The following ULK4 variants were observed in gnomAD, a reference collection of about 807,000 sequenced individuals.
ULK4 encodes the protein inactive serine/threonine-protein kinase ULK4.
Under a neutral mutation model 160.6 loss-of-function variants are expected in ULK4, and 133 were observed. The ratio of observed to expected loss-of-function variants is 0.83; its 90% CI spans 0.72 to 0.96. ULK4 has a LOEUF of 0.96. ULK4 is among the 40% of genes least tolerant of loss of function. The pLI is 0.00. For missense variants in ULK4, 1,580 were observed against 1,499.5 expected (o/e 1.05, Z -0.89); for synonymous variants, 534 against 539.8 (o/e 0.99, Z 0.15).
intron 31 of ULK4, among the ~76,000 whole-genome samples, chr3:41,579,259 A>G (rs1406544235): frequency 6.6e-6 from 1 of 152,182 alleles, no homozygotes; most frequent in Non-Finnish European, 1.5e-5. Flanking sequence ...CATGAAAATG[A>G]AAGAGAAAAC....
chr3:41,919,859 T>C (rs1244726733), intron 5 of ULK4, 41 bp from the exon 6 acceptor site: 1 of 1,453,966 alleles, frequency 6.9e-7, no homozygotes, highest in Non-Finnish European at 9.6e-7. Context: ...TAGGCATTTG[T>C]ATTGCTGCCA....
rs141395586 is a variant in ULK4 at position 41,845,449 on chromosome 3, T to C, written c.1657-9478A>G. On this transcript the variant is annotated intron_variant, in intron 17 of 36. Transcript: ENST00000301831. The stretch of plus-strand genomic sequence containing the variant: ...CACAAAAGGTTACAAACCATATGAC[T>C]ATTTATACAACATTCTCAAAATGAC... 6.8e-3 allele frequency among the ~76,000 whole-genome samples: 1,043 copies of C among 152,302 alleles called. 9 individuals are homozygous for C. Among genetic ancestry groups the C allele is most frequent in the African/African-American group, 0.024 (1,007 of 41,560 alleles).
chr3:41,335,394 C>T (rs537176740), intron 35 of ULK4, among the ~76,000 whole-genome samples: 1 of 152,158 alleles, frequency 6.6e-6, no homozygotes, highest in South Asian at 2.1e-4. Flanking sequence ...TAATAAGTTC[C>T]TGACTATTTA....
intron 27 of ULK4, among the ~76,000 whole-genome samples, chr3:41,695,585 G>A (rs1342695676): frequency 2.0e-5 from 3 of 152,066 alleles, no homozygotes; most frequent in Non-Finnish European, 4.4e-5. Context: ...GAAAATATCA[G>A]CACCAAAATA....
intron 21 of ULK4, among the ~76,000 whole-genome samples, chr3:41,771,204 G>C (rs1040042132): frequency 3.9e-5 from 6 of 152,086 alleles, no homozygotes; most frequent in Admixed American, 2.0e-4. Flanking sequence ...ATAATAATCT[G>C]TCAGAATATT....
intron 35 of ULK4, among the ~76,000 whole-genome samples, chr3:41,357,060 C>G (rs2081044462): frequency 6.6e-6 from 1 of 152,140 alleles, no homozygotes; most frequent in African/African-American, 2.4e-5. Flanking sequence ...CTTCTGCAAC[C>G]ACTGGAGGGT....
At chr3:41,625,381 C>T (rs767400040) in intron 30 of ULK4, among the ~76,000 whole-genome samples, 1 of 152,210 alleles carries the variant, frequency 6.6e-6, no homozygotes, top group South Asian at 2.1e-4. Context: ...TTTAAAAAAT[C>T]GGTCTCCTTA....
At chr3:41,736,552 T>C (rs564931606) in intron 22 of ULK4, among the ~76,000 whole-genome samples, 2 of 152,112 alleles carry the variant, frequency 1.3e-5, no homozygotes, top group East Asian at 1.9e-4. Flanking sequence ...TGGTTTTTCC[T>C]TGTAAACTTG....
In ULK4 at chr3:41,323,391, A is replaced by ACAC. The variant is rs1553642965; in HGVS notation, c.3679-73818_3679-73817insGTG. Among the ~76,000 whole-genome samples the ACAC allele has an allele frequency of 2.5e-5, 3 of 120,266 alleles. No individual in the cohort carries two copies. In the Admixed American group the frequency reaches 2.7e-4, roughly 11 times the overall value. 78.9% of individuals were successfully genotyped at this position (120,266 alleles called of 152,430 possible). A position where few individuals can be genotyped will look rare whatever the true frequency, so the allele number is the denominator to read the frequency against. On this transcript the variant is annotated intron_variant, in intron 35 of 36. Coordinates refer to ENST00000301831, the MANE Select transcript of ULK4 (RefSeq NM_017886.4). ...AAATCCCGACCCCTTCCTGAACAAT[A>ACAC]ACACACACACACACACACACACACA...
At chr3:41,353,212 G>T (rs1008473976) in intron 35 of ULK4, among the ~76,000 whole-genome samples, 1 of 152,162 alleles carries the variant, frequency 6.6e-6, no homozygotes, top group Non-Finnish European at 1.5e-5. Flanking sequence ...TCAGATTTCT[G>T]TTGACTCTTA....
chr3:41,455,637 T>C (rs370366197), intron 33 of ULK4, 42 bp from the exon 34 acceptor site: 9 of 1,599,566 alleles, frequency 5.6e-6, no homozygotes, highest in Non-Finnish European at 6.8e-6. Flanking sequence ...TCTTGGTGAT[T>C]AGTCAGCTTG....
chr3:41,924,536 C>G (rs1029490521), intron 5 of ULK4, among the ~76,000 whole-genome samples: 1 of 152,126 alleles, frequency 6.6e-6, no homozygotes, highest in Non-Finnish European at 1.5e-5. Context: ...GCTCTCTTCC[C>G]CTTACTAAAT....
chr3:41,809,502 T>C (rs1024027416), intron 19 of ULK4, among the ~76,000 whole-genome samples: 1 of 152,198 alleles, frequency 6.6e-6, no homozygotes, highest in African/African-American at 2.4e-5. Context: ...GCGTGTAGAC[T>C]AAGATTATAT....
At chr3:41,937,819 T>G (rs1380867678) in intron 3 of ULK4, 1 of 239,800 alleles carries the variant, frequency 4.2e-6, no homozygotes, top group East Asian at 8.3e-5. Context: ...TTGTTTTTAT[T>G]TATTGGGAAA....
chr3:41,770,055 C>G (rs903950682), intron 21 of ULK4, among the ~76,000 whole-genome samples: 5 of 152,070 alleles, frequency 3.3e-5, no homozygotes, highest in African/African-American at 7.2e-5. Flanking sequence ...AAAGTTTAGC[C>G]AAGTACCTAA....
chr3:41,790,159 G>A (rs2040107098), intron 20 of ULK4, among the ~76,000 whole-genome samples: 1 of 152,142 alleles, frequency 6.6e-6, no homozygotes, highest in Non-Finnish European at 1.5e-5. Flanking sequence ...TGCAGACAAT[G>A]AACTAAGTGC....
intron 3 of ULK4, 37 bp from the exon 4 acceptor site, chr3:41,935,977 C>T: frequency 6.4e-7 from 1 of 1,561,406 alleles, no homozygotes. Flanking sequence ...ATTTCAACCC[C>T]CTACCATCAC....
rs373676641 is a variant in ULK4, at chr3:41,915,632, A to T, written c.803+345T>A. Among the ~76,000 whole-genome samples, 41 of 152,302 alleles carry T rather than the reference A, an allele frequency of 2.7e-4. 1 individual carries two copies. In the South Asian group the frequency reaches 8.1e-3, roughly 30 times the overall value. Reference sequence around the variant, plus strand: ...CAATATCATCCCTCGGTCAATAGTCAAACAGTTTTAGCCTGAAATACAAAA... The same window carrying T: ...CAATATCATCCCTCGGTCAATAGTCTAACAGTTTTAGCCTGAAATACAAAA... On this transcript the variant is annotated intron_variant, in intron 8 of 36. Transcript: ENST00000301831.
chr3:41,928,408 A>G (rs1320732170), intron 5 of ULK4, among the ~76,000 whole-genome samples: 1 of 152,196 alleles, frequency 6.6e-6, no homozygotes, highest in African/African-American at 2.4e-5. Flanking sequence ...GGAAAGATCT[A>G]AAATTGACAC....
Sources: allele counts gnomAD v4.1 joint callset (sites outside exome capture counted in the v4.1 genomes callset), GRCh38; gene constraint gnomAD v4.1.1; transcripts MANE v1.5; gene names NCBI Gene and HGNC (gene_info 2026-07-23, HGNC 2026-07-21).